EHBP1: variants seen among roughly 807,000 people sequenced by gnomAD.
EHBP1 encodes the protein EH domain binding protein 1, also known as EH domain-binding protein 1.
A neutral mutation model predicts 144.0 loss-of-function variants in EHBP1; 55 were observed. That is an observed-to-expected ratio of 0.38 (90% CI 0.31 to 0.48). The LOEUF (loss-of-function observed/expected upper bound fraction) is 0.48, where lower values mean the gene tolerates loss of function less well. Among genes scored for constraint, EHBP1 ranks in the 20% least tolerant of loss-of-function variants. The pLI, the probability that EHBP1 is intolerant of heterozygous loss-of-function variation, is 0.98. For missense variants in EHBP1, 1,200 were observed against 1,364.2 expected, an observed-to-expected ratio of 0.88 and a Z score of 1.90; for synonymous variants, 469 against 472.7, an observed-to-expected ratio of 0.99 and a Z score of 0.10.
rs182988324 is a variant in EHBP1, at chr2:62,821,735, T to C, written c.313-4352T>C. On this transcript the variant is annotated intron_variant, in intron 5 of 22. Transcript: ENST00000431489. ...GAATATGAACTAACAGTTATGCCAT[T>C]GAACTACATTGCTTGCTACCATTAT... Among the ~76,000 whole-genome samples, 5 of 152,322 alleles carry C rather than the reference T, an allele frequency of 3.3e-5. No homozygotes were observed. The East Asian group carries it at 9.6e-4, about 29-fold the overall frequency.
At chr2:62,834,077 G>T (rs1482209602) in intron 7 of EHBP1, among the ~76,000 whole-genome samples, 1 of 152,168 alleles carries the variant, frequency 6.6e-6, no homozygotes, top group African/African-American at 2.4e-5. Flanking sequence ...TGCTGCAATC[G>T]CATGATAAAA....
intron 5 of EHBP1, among the ~76,000 whole-genome samples, chr2:62,778,263 G>C (rs1368213729): frequency 6.6e-6 from 1 of 152,086 alleles, no homozygotes; most frequent in African/African-American, 2.4e-5. Flanking sequence ...CAGATGGCTG[G>C]ACCTGGTAGC....
intron 7 of EHBP1, among the ~76,000 whole-genome samples, chr2:62,848,432 T>C (rs911805917): frequency 4.6e-5 from 7 of 152,102 alleles, no homozygotes; most frequent in Admixed American, 2.0e-4. Flanking sequence ...TCTGACCCAT[T>C]TATTTACCCC....
rs1231744351 is a variant in EHBP1, at chr2:63,045,170, CAGG to C, written c.3385_3387del (p.Glu1129del). On this transcript the variant is annotated inframe_deletion, in exon 22 of 23. Transcript: ENST00000431489. The surrounding 1 kb of genome is among the most constrained non-coding windows in gnomAD (Gnocchi z 5.7). The stretch of plus-strand genomic sequence containing the variant: ...TGCGCTCGTCAGGGACCTGGACGCG[CAGG>C]AGAAGCAGTGAGTGGGCAGTGGGGT... The C allele has an allele frequency of 6.3e-7, 1 of 1,585,714 alleles. No individual in the cohort carries two copies. The highest frequency in any genetic ancestry group is 8.6e-7 in the Non-Finnish European group (1 of 1,165,220).
chr2:62,801,921 T>C (rs2044021574), intron 5 of EHBP1, among the ~76,000 whole-genome samples: 1 of 152,262 alleles, frequency 6.6e-6, no homozygotes, highest in African/African-American at 2.4e-5. Flanking sequence ...TGGACTCATC[T>C]TGAGAATGTT....
At chr2:63,015,873 A>G (rs1228308510) in intron 19 of EHBP1, among the ~76,000 whole-genome samples, 1 of 152,184 alleles carries the variant, frequency 6.6e-6, no homozygotes, top group Non-Finnish European at 1.5e-5. Flanking sequence ...CTAGGTTATT[A>G]AAGTTGAATA....
Position 63,045,455 on chromosome 2 carries a change from C to T in EHBP1, c.3438C>T (p.Asn1146=), listed in dbSNP as rs1156237235. ...DEHLERTLEQ[N]KGKMAKKEEK... ...ATTTGGAGCGAACTCTGGAGCAAAA[C>T]AAAGGCAAGATGGCCAAGAAAGAGG... is the stretch of plus-strand genomic sequence containing the variant. The change falls in exon 23 of 23, where the codon AAC becomes AAT. Residue 1146 remains asparagine, a synonymous_variant. Coordinates refer to ENST00000431489, the MANE Select transcript of EHBP1 (RefSeq NM_001142616.3). The surrounding 1 kb of genome is among the most constrained non-coding windows in gnomAD (Gnocchi z 5.7). 6.2e-7 allele frequency: 1 copy of T among 1,614,066 alleles called. No homozygotes were observed. Among genetic ancestry groups the T allele is most frequent in the East Asian group, 2.2e-5 (1 of 44,896 alleles).
chr2:62,752,285 G>A (rs1245277738), intron 3 of EHBP1, among the ~76,000 whole-genome samples: 1 of 152,196 alleles, frequency 6.6e-6, no homozygotes. Context: ...CCATGTAGTT[G>A]AGCGGTTTTG....
At chr2:62,945,304 T>A (rs761887529) in intron 12 of EHBP1, among the ~76,000 whole-genome samples, 6 of 152,222 alleles carry the variant, frequency 3.9e-5, no homozygotes, top group Admixed American at 6.5e-5. Flanking sequence ...CTATGTATTT[T>A]ATCCATGTAA....
chr2:62,928,002 A>G (rs1035589493), intron 10 of EHBP1, among the ~76,000 whole-genome samples: 1 of 152,242 alleles, frequency 6.6e-6, no homozygotes, highest in African/African-American at 2.4e-5. Context: ...TAAATAAACA[A>G]TGGATCAAAG....
intron 7 of EHBP1, among the ~76,000 whole-genome samples, chr2:62,833,073 T>G (rs564643552): frequency 2.0e-5 from 3 of 152,312 alleles, no homozygotes; most frequent in African/African-American, 7.2e-5. Context: ...AAAGCCTTAT[T>G]GCTGATACAG....
chr2:62,925,622 C>T (rs1414749318), intron 10 of EHBP1, among the ~76,000 whole-genome samples: 1 of 152,046 alleles, frequency 6.6e-6, no homozygotes, highest in African/African-American at 2.4e-5. Flanking sequence ...GTAGTTTATA[C>T]ATGAACAATA....
At chr2:62,940,975 TG>T (rs750372390) in intron 10 of EHBP1, among the ~76,000 whole-genome samples, 4 of 152,182 alleles carry the variant, frequency 2.6e-5, no homozygotes, top group Admixed American at 1.3e-4. Flanking sequence ...ACATTACCTA[TG>T]GACATGCTAC....
intron 8 of EHBP1, among the ~76,000 whole-genome samples, chr2:62,861,124 CTTT>C (rs935207202): frequency 1.4e-3 from 130 of 94,174 alleles, no homozygotes; most frequent in African/African-American, 5.5e-3. Flanking sequence ...GCTTGAGTGG[CTTT>C]TTTTTTTTTT....
chr2:62,974,441 T>C (rs1480689658), intron 14 of EHBP1, among the ~76,000 whole-genome samples: 1 of 152,192 alleles, frequency 6.6e-6, no homozygotes, highest in Non-Finnish European at 1.5e-5. Context: ...ATATCAAATT[T>C]TGATACCCAG....
At chr2:62,692,915 G>T (rs575991523) in intron 1 of EHBP1, among the ~76,000 whole-genome samples, 2 of 151,672 alleles carry the variant, frequency 1.3e-5, no homozygotes, top group Non-Finnish European at 2.9e-5. Flanking sequence ...AAAAATTATC[G>T]TTGACTGTAA....
At chr2:62,786,047 T>C (rs2042780625) in intron 5 of EHBP1, among the ~76,000 whole-genome samples, 1 of 152,206 alleles carries the variant, frequency 6.6e-6, no homozygotes, top group Non-Finnish European at 1.5e-5. Flanking sequence ...TTATAAGCAG[T>C]GCAGCAATGC....
At chr2:62,945,638 T>C (rs562872670) in intron 12 of EHBP1, among the ~76,000 whole-genome samples, 7 of 152,262 alleles carry the variant, frequency 4.6e-5, no homozygotes, top group African/African-American at 1.7e-4. Context: ...TAGTCCCAGC[T>C]ACTTGGGAGG....
intron 19 of EHBP1, among the ~76,000 whole-genome samples, chr2:63,012,609 A>G (rs2060314360): frequency 6.6e-6 from 1 of 152,202 alleles, no homozygotes; most frequent in African/African-American, 2.4e-5. Flanking sequence ...TGCCATATGT[A>G]GAAGTCTCGT....
Sources: gnomAD v4.1 joint callset for allele counts (sites outside exome capture counted in the v4.1 genomes callset) on GRCh38, gnomAD v4.1.1 for gene constraint, Gnocchi (gnomAD v3.1) non-coding constraint, MANE v1.5 for transcripts, NCBI Gene and HGNC (gene_info 2026-07-23, HGNC 2026-07-21) for gene names.